FNIP1: variants seen among roughly 807,000 people sequenced by gnomAD.
FNIP1 encodes the protein folliculin interacting protein 1.
A neutral mutation model predicts 124.5 loss-of-function variants in FNIP1; 40 were observed. The ratio of observed to expected loss-of-function variants is 0.32; its 90% CI spans 0.25 to 0.42. The LOEUF (loss-of-function observed/expected upper bound fraction) is 0.42, where lower values mean the gene tolerates loss of function less well. Among genes scored for constraint, FNIP1 ranks in the 10% least tolerant of loss-of-function variants. The pLI, the probability that FNIP1 is intolerant of heterozygous loss-of-function variation, is 1.00. For synonymous variants in FNIP1, 472 were observed against 470.6 expected (o/e 1.00, Z -0.04); for missense variants, 1,176 against 1,403.7 (o/e 0.84, Z 2.59).
chr5:131,737,092 A>G (rs1277266500), intron 2 of FNIP1, among the ~76,000 whole-genome samples: 3 of 152,246 alleles, frequency 2.0e-5, no homozygotes, highest in African/African-American at 7.2e-5. Context: ...CATAAAGTAC[A>G]GCATCACTTC....
chr5:131,674,937 ACCATG>A (rs1767869980), intron 13 of FNIP1, among the ~76,000 whole-genome samples: 1 of 152,130 alleles, frequency 6.6e-6, no homozygotes, highest in Non-Finnish European at 1.5e-5. Flanking sequence ...CTCAAATATC[ACCATG>A]CCACTGTTCT....
At chr5:131,751,148 A>G (rs1375928402) in intron 1 of FNIP1, among the ~76,000 whole-genome samples, 1 of 152,064 alleles carries the variant, frequency 6.6e-6, no homozygotes, top group Non-Finnish European at 1.5e-5. Flanking sequence ...CATAATTATC[A>G]TACTGAGCTT....
chr5:131,725,307 A>G (rs1354941958), intron 3 of FNIP1, among the ~76,000 whole-genome samples: 2 of 152,132 alleles, frequency 1.3e-5, no homozygotes, highest in African/African-American at 4.8e-5. Flanking sequence ...AGCCATTTTC[A>G]CGATACTGAT....
chr5:131,651,896 T>C lies in FNIP1; in HGVS notation c.3212A>G (p.Asn1071Ser), dbSNP rs765292838. 8.4e-5 allele frequency: 135 copies of C among 1,614,106 alleles called. No homozygotes were observed. The highest frequency in any genetic ancestry group is 1.1e-4 in the Non-Finnish European group (128 of 1,180,058). ...AACCAATACTTCCTTTCCCAATTTA[T>C]TATCTGTCACTCGTCTCTGGCTACT... Reference protein sequence around the residue: ...VASSQRRVTDNKLGKEVLVSS... With the variant: ...VASSQRRVTDSKLGKEVLVSS... The change falls in exon 16 of 18, where the codon AAT (asparagine) becomes AGT (serine). Residue 1071 changes from asparagine to serine, a missense_variant. By Grantham distance (46) the Asn-to-Ser change is conservative (BLOSUM62 1). Coordinates refer to ENST00000510461, the MANE Select transcript of FNIP1 (RefSeq NM_133372.3).
rs200140183 is a variant in FNIP1, at chr5:131,721,326, AG to A, written c.355-1910del. Among the ~76,000 whole-genome samples the A allele has an allele frequency of 4.2e-3, 634 of 152,132 alleles. 8 individuals are homozygous for A. The highest frequency in any genetic ancestry group is 0.015 in the African/African-American group (613 of 41,562). On this transcript the variant is annotated intron_variant, in intron 3 of 17. Transcript: ENST00000510461. ...ATCAAAGAGTAGAATGGTAGTTACC[AG>A]GGGCTGGGGTGAGGGGGAAATGGGG...
In FNIP1 at chr5:131,644,571, G is replaced by T; in HGVS notation, c.*114C>A. The T allele has an allele frequency of 1.2e-6, 1 of 837,094 alleles. No homozygotes were observed. The highest frequency in any genetic ancestry group is 2.0e-6 in the Non-Finnish European group (1 of 512,692). 51.9% of individuals were successfully genotyped at this position (837,094 alleles called of 1,614,324 possible). ...TGCTATGCAGAATACCCTGGTGACT[G>T]ACTCATTCAGATGGAAGTCTAAAAG... is the stretch of plus-strand genomic sequence containing the variant. On this transcript the variant is annotated 3_prime_UTR_variant, in exon 18 of 18. Coordinates refer to ENST00000510461, the MANE Select transcript of FNIP1 (RefSeq NM_133372.3).
intron 1 of FNIP1, among the ~76,000 whole-genome samples, chr5:131,781,465 C>A (rs969130604): frequency 6.6e-6 from 1 of 152,170 alleles, no homozygotes; most frequent in East Asian, 1.9e-4. Flanking sequence ...CTGTTAGGGG[C>A]TAATGCAGCT....
At chr5:131,723,823 T>C (rs1027145462) in intron 3 of FNIP1, among the ~76,000 whole-genome samples, 1 of 152,174 alleles carries the variant, frequency 6.6e-6, no homozygotes, top group African/African-American at 2.4e-5. Flanking sequence ...ACCTGTCATC[T>C]ACATTAGGTA....
At chr5:131,737,129 G>A (rs953144266) in intron 2 of FNIP1, among the ~76,000 whole-genome samples, 1 of 152,170 alleles carries the variant, frequency 6.6e-6, no homozygotes, top group African/African-American at 2.4e-5. Context: ...AAAATAATAA[G>A]AAATTGAACC....
In FNIP1 at chr5:131,677,719, T is replaced by G; in HGVS notation, c.1503A>C (p.Pro501=). The G allele has an allele frequency of 6.2e-7, 1 of 1,613,708 alleles. No individual in the cohort carries two copies. The highest frequency in any genetic ancestry group is 8.5e-7 in the Non-Finnish European group (1 of 1,179,698). The change falls in exon 13 of 18, where the codon CCA becomes CCC. Residue 501 remains proline, a synonymous_variant. Coordinates refer to ENST00000510461, the MANE Select transcript of FNIP1 (RefSeq NM_133372.3). Reference sequence around the variant, plus strand: ...ATTACATACCCAGTTGTGCCCAAAGTGGGTTATATGGATGAGTCTTTGCCA... The same window carrying G: ...ATTACATACCCAGTTGTGCCCAAAGGGGGTTATATGGATGAGTCTTTGCCA... ...DMLAKTHPYN[P]LWAQLGDLYG...
chr5:131,717,299 C>G (rs1769502760), intron 5 of FNIP1, among the ~76,000 whole-genome samples: 1 of 152,116 alleles, frequency 6.6e-6, no homozygotes, highest in Admixed American at 6.6e-5. Context: ...CATCCATGTC[C>G]CTACAAAGGA....
At chr5:131,662,805 T>C (rs1767481610) in intron 15 of FNIP1, among the ~76,000 whole-genome samples, 1 of 148,604 alleles carries the variant, frequency 6.7e-6, no homozygotes, top group Non-Finnish European at 1.5e-5. Context: ...AGTGGCACGA[T>C]CTTGGCTCAC....
chr5:131,791,261 T>C (rs558954974), intron 1 of FNIP1, among the ~76,000 whole-genome samples: 1 of 152,298 alleles, frequency 6.6e-6, no homozygotes, highest in South Asian at 2.1e-4. Context: ...GATATCACCA[T>C]TTTGCAAACT....
intron 1 of FNIP1, among the ~76,000 whole-genome samples, chr5:131,749,295 A>G (rs1770787612): frequency 6.6e-6 from 1 of 152,132 alleles, no homozygotes; most frequent in African/African-American, 2.4e-5. Flanking sequence ...ACAGTCACTG[A>G]CTACTCACTC....
At chr5:131,771,392 C>T (rs1417083660) in intron 1 of FNIP1, among the ~76,000 whole-genome samples, 5 of 152,124 alleles carry the variant, frequency 3.3e-5, no homozygotes, top group African/African-American at 4.8e-5. Context: ...TGTTTTTCCA[C>T]TGAAGGGTTT....
chr5:131,663,456 A>C (rs1767506882), intron 15 of FNIP1, among the ~76,000 whole-genome samples: 1 of 152,246 alleles, frequency 6.6e-6, no homozygotes, highest in Admixed American at 6.5e-5. Context: ...CTTGAATCAA[A>C]CATTGTCAGA....
chr5:131,717,055 G>C (rs1169562710), intron 5 of FNIP1, among the ~76,000 whole-genome samples: 1 of 151,894 alleles, frequency 6.6e-6, no homozygotes, highest in Admixed American at 6.6e-5. Context: ...TGTTACATAT[G>C]TATACATGTC....
At chr5:131,749,392 CTTTTTTT>C in intron 1 of FNIP1, among the ~76,000 whole-genome samples, 1 of 133,082 alleles carries the variant, frequency 7.5e-6, no homozygotes, top group Admixed American at 7.5e-5. Flanking sequence ...CACTTTTTAT[CTTTTTTT>C]TTTTTTTTTT....
chr5:131,653,248 A>C (rs986095460), intron 15 of FNIP1, among the ~76,000 whole-genome samples: 2 of 152,160 alleles, frequency 1.3e-5, no homozygotes, highest in Non-Finnish European at 2.9e-5. Context: ...TGAAAAAAAA[A>C]AAATTCAGGC....
Sources: allele counts gnomAD v4.1 joint callset (sites outside exome capture counted in the v4.1 genomes callset), GRCh38; gene constraint gnomAD v4.1.1; transcripts MANE v1.5; gene names NCBI Gene and HGNC (gene_info 2026-07-23, HGNC 2026-07-21).